The following LAMTOR3 variants were observed in gnomAD, a reference collection of about 807,000 sequenced individuals.
LAMTOR3 encodes late endosomal/lysosomal adaptor, MAPK and MTOR activator 3.
In LAMTOR3, 14 loss-of-function variants were observed where a neutral mutation model predicts 20.3. The observed-to-expected ratio is 0.69, with a 90% confidence interval of 0.46 to 1.08. LAMTOR3 has a LOEUF of 1.08. Ranked by LOEUF, LAMTOR3 falls within the 50% of genes least tolerant of loss-of-function variation. The pLI is 0.00. For missense variants in LAMTOR3, 125 were observed against 143.7 expected (o/e 0.87, Z 0.67); for synonymous variants, 40 against 49.4 (o/e 0.81, Z 0.80).
chr4:99,892,407 A>C (rs1382738373), intron 2 of LAMTOR3, among the ~76,000 whole-genome samples: 1 of 152,220 alleles, frequency 6.6e-6, no homozygotes, highest in East Asian at 1.9e-4. Context: ...TATTGTGTTC[A>C]CTTGAGAAGA....
chr4:99,886,922 A>ATGTATG (rs374746557), intron 4 of LAMTOR3, among the ~76,000 whole-genome samples: 5,524 of 152,134 alleles, frequency 0.036, 151 homozygotes, highest in Middle Eastern at 0.11. Flanking sequence ...TGTGGTATGT[A>ATGTATG]TATATATACA....
Position 99,879,521 on chromosome 4 carries a change from T to C in LAMTOR3, c.*2473A>G, listed in dbSNP as rs1005628364. 2.6e-5 allele frequency: 4 copies of C among 152,146 alleles called. No homozygotes were observed. Among genetic ancestry groups the C allele is most frequent in the Non-Finnish European group, 2.9e-5 (2 of 68,016 alleles). 9.4% of individuals were successfully genotyped at this position (152,146 alleles called of 1,614,324 possible). ...CTAAAAGACATTGTTTCATGCACCATTGCACTGGCAAAAATTTCCTGAACG... is the reference window on the plus strand; with the variant it reads ...CTAAAAGACATTGTTTCATGCACCACTGCACTGGCAAAAATTTCCTGAACG... On this transcript the variant is annotated 3_prime_UTR_variant, in exon 7 of 7. Coordinates refer to ENST00000499666, the MANE Select transcript of LAMTOR3 (RefSeq NM_021970.4).
intron 6 of LAMTOR3, 93 bp from the exon 7 acceptor site, chr4:99,882,160 C>A: frequency 1.4e-6 from 1 of 721,874 alleles, no homozygotes; most frequent in Non-Finnish European, 2.3e-6. Context: ...ACATAGTTAC[C>A]AAAAGTAAAT....
chr4:99,892,500 A>G (rs1202417233), intron 2 of LAMTOR3, among the ~76,000 whole-genome samples: 1 of 152,184 alleles, frequency 6.6e-6, no homozygotes, highest in East Asian at 1.9e-4. Flanking sequence ...TGACCTCTGT[A>G]AGACTGTTGT....
chr4:99,883,778 CAAAA>C (rs368560480), intron 6 of LAMTOR3, among the ~76,000 whole-genome samples: 2 of 101,528 alleles, frequency 2.0e-5, no homozygotes. Context: ...TTCCTGTCTC[CAAAA>C]AAAAAAAAAA....
chr4:99,886,811 A>G (rs571854268), intron 4 of LAMTOR3, among the ~76,000 whole-genome samples: 1 of 152,150 alleles, frequency 6.6e-6, no homozygotes, highest in African/African-American at 2.4e-5. Flanking sequence ...AATAGTAAAA[A>G]TTGTCTGAAT....
intron 3 of LAMTOR3, among the ~76,000 whole-genome samples, chr4:99,888,334 T>A (rs1031774823): frequency 2.0e-5 from 3 of 152,210 alleles, no homozygotes; most frequent in African/African-American, 7.2e-5. Context: ...CTAATACCAG[T>A]GGTGTCAATT....
chr4:99,887,395 T>G (rs761278850), intron 3 of LAMTOR3, 41 bp from the exon 4 acceptor site: 10 of 975,142 alleles, frequency 1.0e-5, no homozygotes, highest in Non-Finnish European at 1.4e-5. Flanking sequence ...AAAGTTAAAA[T>G]ATAAAATTTT....
chr4:99,891,117 T>C (rs1005994570), intron 3 of LAMTOR3, among the ~76,000 whole-genome samples: 4 of 152,192 alleles, frequency 2.6e-5, no homozygotes, highest in African/African-American at 9.7e-5. Context: ...CAATAAGAGA[T>C]GCTAACACTC....
chr4:99,892,985 T>C (rs1725050616), intron 2 of LAMTOR3, among the ~76,000 whole-genome samples: 1 of 152,000 alleles, frequency 6.6e-6, no homozygotes, highest in South Asian at 2.1e-4. Context: ...CAGCCCAGTG[T>C]TACAGAATAT....
At position 99,881,005 on chromosome 4, in the gene LAMTOR3, G is replaced by T. The variant is rs1578200978; in HGVS notation, c.*989C>A. 6.6e-6 allele frequency: 1 copy of T among 152,000 alleles called. No individual in the cohort carries two copies. The highest frequency in any genetic ancestry group is 2.4e-5 in the African/African-American group (1 of 41,362). 9.4% of individuals were successfully genotyped at this position (152,000 alleles called of 1,614,324 possible). On this transcript the variant is annotated 3_prime_UTR_variant, in exon 7 of 7. Transcript: ENST00000499666. The stretch of plus-strand genomic sequence containing the variant: ...ACGGAGTCTCTGTTGCCCAGGCTGG[G>T]GTGCAGTGGCACAATCTTGGCTGAC...
rs1724749961 is a variant in LAMTOR3 at position 99,878,355 on chromosome 4, C to A, written c.*3639G>T. On this transcript the variant is annotated 3_prime_UTR_variant, in exon 7 of 7. Coordinates refer to ENST00000499666, the MANE Select transcript of LAMTOR3 (RefSeq NM_021970.4). ...AACCGGTTCTGCTTCTTTGGAGAGC[C>A]CTGAGACAACTTTCTTCCCCAAATA... is the stretch of plus-strand genomic sequence containing the variant. The A allele has an allele frequency of 6.6e-6, 1 of 152,114 alleles. No individual in the cohort carries two copies. Among genetic ancestry groups the A allele is most frequent in the Non-Finnish European group, 1.5e-5 (1 of 68,018 alleles). 9.4% of individuals were successfully genotyped at this position (152,114 alleles called of 1,614,324 possible).
chr4:99,887,052 T>C (rs962051480), intron 4 of LAMTOR3, among the ~76,000 whole-genome samples: 11 of 152,190 alleles, frequency 7.2e-5, no homozygotes, highest in African/African-American at 2.4e-4. Context: ...TAATGGGAAA[T>C]GGGTCTGTGA....
chr4:99,892,679 C>A (rs946538977), intron 2 of LAMTOR3, among the ~76,000 whole-genome samples: 1 of 116,138 alleles, frequency 8.6e-6, no homozygotes, highest in African/African-American at 4.0e-5. Context: ...TGTGAGGCAA[C>A]ATTTTTTTTT....
rs1346805631 is a variant in LAMTOR3 at position 99,884,710 on chromosome 4, A to G, written c.238-585T>C. On this transcript the variant is annotated intron_variant, in intron 5 of 6. Transcript: ENST00000499666. The stretch of plus-strand genomic sequence containing the variant: ...CCTGGCACGGTGGCTCACATCTGTA[A>G]TCCCAGCACTCTGGGAGGCTGAGGT... 2.6e-5 allele frequency among the ~76,000 whole-genome samples: 4 copies of G among 152,218 alleles called. No homozygotes were observed. The South Asian group carries it at 8.3e-4, about 32-fold the overall frequency.
intron 5 of LAMTOR3, 128 bp downstream of exon 5, chr4:99,885,414 C>A: frequency 4.2e-6 from 3 of 709,706 alleles, no homozygotes; most frequent in Non-Finnish European, 2.2e-6. Flanking sequence ...AATTTGAAGG[C>A]TAAAATTTTA....
chr4:99,886,698 A>C (rs1724931562), intron 4 of LAMTOR3, among the ~76,000 whole-genome samples: 1 of 152,182 alleles, frequency 6.6e-6, no homozygotes, highest in Non-Finnish European at 1.5e-5. Context: ...GAAAATTGTA[A>C]ACAAAATATA....
chr4:99,883,447 A>C (rs1724863898), intron 6 of LAMTOR3, among the ~76,000 whole-genome samples: 1 of 152,078 alleles, frequency 6.6e-6, no homozygotes, highest in Non-Finnish European at 1.5e-5. Flanking sequence ...GTGAATAGTC[A>C]TTATTTTACA....
At chr4:99,883,500 T>C (rs1396029531) in intron 6 of LAMTOR3, among the ~76,000 whole-genome samples, 1 of 152,070 alleles carries the variant, frequency 6.6e-6, no homozygotes, top group African/African-American at 2.4e-5. Flanking sequence ...GGAATTTTAC[T>C]ATTCTCTATA....
Sources: allele counts gnomAD v4.1 joint callset (sites outside exome capture counted in the v4.1 genomes callset), GRCh38; gene constraint gnomAD v4.1.1; transcripts MANE v1.5; gene names NCBI Gene and HGNC (gene_info 2026-07-23, HGNC 2026-07-21).